Variants in TENM4 observed in about 807,000 individuals in gnomAD.
TENM4 encodes teneurin-4.
A neutral mutation model predicts 243.3 loss-of-function variants in TENM4; 82 were observed. That is an observed-to-expected ratio of 0.34 (90% CI 0.28 to 0.40). The LOEUF (loss-of-function observed/expected upper bound fraction) is 0.40. Ranked by LOEUF, TENM4 falls within the 10% of genes least tolerant of loss-of-function variation. The pLI, the probability that TENM4 is intolerant of heterozygous loss-of-function variation, is 1.00. For synonymous variants in TENM4, 1,412 were observed against 1,456.3 expected (o/e 0.97, Z 0.69); for missense variants, 3,138 against 3,673.3 (o/e 0.85, Z 3.77).
chr11:79,198,002 G>A (rs1863665183), intron 3 of TENM4, among the ~76,000 whole-genome samples: 2 of 152,144 alleles, frequency 1.3e-5, no homozygotes, highest in South Asian at 4.1e-4. Context: ...CTCCATGTGT[G>A]ACCTTAACCT....
At chr11:79,228,472 C>A (rs1315046283) in intron 2 of TENM4, among the ~76,000 whole-genome samples, 7 of 152,134 alleles carry the variant, frequency 4.6e-5, no homozygotes, top group African/African-American at 1.7e-4. Flanking sequence ...AGGGAGGAAA[C>A]CAATGCCGAG....
chr11:79,206,858 G>C (rs973933449), intron 3 of TENM4, among the ~76,000 whole-genome samples: 13 of 152,138 alleles, frequency 8.5e-5, no homozygotes, highest in African/African-American at 2.9e-4. Context: ...TCACCATGTA[G>C]CTTTAACCTT....
intron 31 of TENM4, among the ~76,000 whole-genome samples, chr11:78,671,556 G>C (rs1858325720): frequency 6.6e-6 from 1 of 152,212 alleles, no homozygotes; most frequent in East Asian, 1.9e-4. Context: ...GGTCATTTCT[G>C]ATTCTTACCC....
intron 6 of TENM4, among the ~76,000 whole-genome samples, chr11:78,971,847 T>C (rs1213583749): frequency 6.6e-6 from 1 of 152,156 alleles, no homozygotes; most frequent in African/African-American, 2.4e-5. Flanking sequence ...AATGCTTCCT[T>C]GTGTAATGAA....
chr11:79,179,525 T>C (rs933889011), intron 3 of TENM4, among the ~76,000 whole-genome samples: 1 of 152,018 alleles, frequency 6.6e-6, no homozygotes, highest in African/African-American at 2.4e-5. Flanking sequence ...ATGATTAAGA[T>C]AGTCCATTGA....
At chr11:78,920,881 G>A (rs1346983860) in intron 6 of TENM4, among the ~76,000 whole-genome samples, 1 of 152,168 alleles carries the variant, frequency 6.6e-6, no homozygotes, top group Non-Finnish European at 1.5e-5. Context: ...GTGCATTTTT[G>A]TGGCGGCCAG....
rs546531784 is a variant in TENM4 at position 78,714,920 on chromosome 11, T to C, written c.3822-2206A>G. On this transcript the variant is annotated intron_variant, in intron 25 of 33. Coordinates refer to ENST00000278550, the MANE Select transcript of TENM4 (RefSeq NM_001098816.3). ...CGATAGGACATAATGCTGTGACTGTTCATTTATGTGTGTGCCTCCAAAACC... is the reference window on the plus strand; with the variant it reads ...CGATAGGACATAATGCTGTGACTGTCCATTTATGTGTGTGCCTCCAAAACC... Among the ~76,000 whole-genome samples, 3 of 152,336 alleles carry C rather than the reference T, an allele frequency of 2.0e-5. No homozygotes were observed. The South Asian group carries it at 6.2e-4, about 32-fold the overall frequency.
chr11:79,332,277 C>A (rs990605369), intron 1 of TENM4, among the ~76,000 whole-genome samples: 5 of 152,114 alleles, frequency 3.3e-5, no homozygotes, highest in African/African-American at 1.2e-4. Context: ...GGTTTATTTC[C>A]AGATTACAGG....
intron 4 of TENM4, among the ~76,000 whole-genome samples, chr11:79,085,376 C>CAAAAA (rs36035068): frequency 2.7e-4 from 21 of 79,080 alleles, no homozygotes; most frequent in Non-Finnish European, 4.1e-4. Flanking sequence ...GACTCTGTCT[C>CAAAAA]AAAAAAAAAA....
intron 15 of TENM4, among the ~76,000 whole-genome samples, chr11:78,792,745 A>G (rs77063674): frequency 0.012 from 1,883 of 152,340 alleles, 54 homozygotes; most frequent in African/African-American, 0.044. Flanking sequence ...CACGTTGTAC[A>G]CAGGTTATTT....
At chr11:79,411,240 A>G (rs1858693968) in intron 1 of TENM4, among the ~76,000 whole-genome samples, 1 of 152,190 alleles carries the variant, frequency 6.6e-6, no homozygotes, top group Non-Finnish European at 1.5e-5. Context: ...TCTAGAGGCC[A>G]CAGTGGCTGT....
At chr11:78,712,111 C>G (rs544877) in intron 26 of TENM4, among the ~76,000 whole-genome samples, 33 of 152,130 alleles carry the variant, frequency 2.2e-4, no homozygotes, top group African/African-American at 7.0e-4. Flanking sequence ...TAGTAGAGGA[C>G]TGGGACATCC....
At chr11:78,726,026 T>C in intron 23 of TENM4, 53 bp downstream of exon 23, 1 of 1,604,772 alleles carries the variant, frequency 6.2e-7, no homozygotes, top group Non-Finnish European at 8.5e-7. Flanking sequence ...ACAAGGGATA[T>C]GAGACAAGGT....
At chr11:79,374,817 C>G (rs1436849353) in intron 1 of TENM4, among the ~76,000 whole-genome samples, 1 of 152,088 alleles carries the variant, frequency 6.6e-6, no homozygotes, top group Non-Finnish European at 1.5e-5. Context: ...GAAGTTTTAA[C>G]AGAGTCCCAA....
chr11:78,888,939 A>G (rs1004732271), intron 9 of TENM4, among the ~76,000 whole-genome samples: 36 of 152,198 alleles, frequency 2.4e-4, no homozygotes, highest in Non-Finnish European at 4.0e-4. Context: ...ATTTATATAG[A>G]GGCAGCAGAT....
chr11:79,263,251 T>C (rs1855829258), intron 2 of TENM4, among the ~76,000 whole-genome samples: 1 of 152,182 alleles, frequency 6.6e-6, no homozygotes, highest in Admixed American at 6.5e-5. Flanking sequence ...GTCTGACTCC[T>C]AGCAAGAGCA....
chr11:79,326,867 A>T (rs514828), intron 1 of TENM4, among the ~76,000 whole-genome samples: 127,407 of 152,224 alleles, frequency 0.84, 53,996 homozygotes, highest in African/African-American at 0.95. Context: ...AGGCATATGG[A>T]GCATTTTGGT....
rs186506126 is a variant in TENM4, at chr11:79,406,347, G to A, written c.-321+34162C>T. 2.6e-4 allele frequency among the ~76,000 whole-genome samples: 39 copies of A among 152,196 alleles called. No homozygotes were observed. In the East Asian group the frequency reaches 7.5e-3, roughly 29 times the overall value. ...AGTGAAAAAAACACCATCTTTTCAT[G>A]AATAGAAAACAAAAAGGTTAAAAAA... On this transcript the variant is annotated intron_variant, in intron 1 of 33. Transcript: ENST00000278550.
chr11:79,135,821 C>CATATATATGATAT (rs1385282996), intron 4 of TENM4, among the ~76,000 whole-genome samples: 1 of 145,772 alleles, frequency 6.9e-6, no homozygotes, highest in Non-Finnish European at 1.5e-5. Flanking sequence ...TATATTCCAT[C>CATATATATGATAT]ATATATATCA....
Sources: gnomAD v4.1 joint callset for allele counts (sites outside exome capture counted in the v4.1 genomes callset) on GRCh38, gnomAD v4.1.1 for gene constraint, MANE v1.5 for transcripts, NCBI Gene and HGNC (gene_info 2026-07-23, HGNC 2026-07-21) for gene names.